CCDC88C: variants seen among roughly 807,000 people sequenced by gnomAD.
The protein encoded by CCDC88C is coiled-coil and HOOK domain protein 88C.
Under a neutral mutation model 198.8 loss-of-function variants are expected in CCDC88C, and 131 were observed. The observed-to-expected ratio is 0.66, with a 90% CI of 0.57 to 0.76. The LOEUF (loss-of-function observed/expected upper bound fraction) is 0.76. Among genes scored for constraint, CCDC88C ranks in the 30% least tolerant of loss-of-function variants. The pLI, the probability that CCDC88C is intolerant of heterozygous loss-of-function variation, is 0.00. For missense variants in CCDC88C, 2,553 were observed against 2,631.6 expected (o/e 0.97, Z 0.65); for synonymous variants, 1,166 against 1,114.7 (o/e 1.05, Z -0.92).
At chr14:91,397,000 C>A (rs887387805) in intron 3 of CCDC88C, among the ~76,000 whole-genome samples, 4 of 151,708 alleles carry the variant, frequency 2.6e-5, no homozygotes, top group African/African-American at 4.8e-5. Context: ...AGAGCAAGAC[C>A]CTGTCACCAA....
At chr14:91,299,396 T>C (rs926641620) in intron 21 of CCDC88C, among the ~76,000 whole-genome samples, 3 of 152,206 alleles carry the variant, frequency 2.0e-5, no homozygotes, top group African/African-American at 4.8e-5. Flanking sequence ...GAAAGGGACA[T>C]TTGTTTGCAG....
rs928182330 is a variant in CCDC88C at position 91,338,370 on chromosome 14, C to A, written c.891+119G>T. 1 of 1,013,762 alleles carries A rather than the reference C, an allele frequency of 9.9e-7. No homozygotes were observed. The highest frequency in any genetic ancestry group is 1.5e-5 in the South Asian group (1 of 68,582). The allele number at this position is 1,013,762 out of a possible 1,614,324, so 62.8% of individuals were successfully genotyped here. A position where few individuals can be genotyped will look rare whatever the true frequency, so the allele number is the denominator to read the frequency against. On this transcript the variant is annotated intron_variant, in intron 9 of 29. Transcript: ENST00000389857. This position sits in a 1 kb window ranked among gnomAD's most constrained non-coding sequence, Gnocchi z 4.8. Reference sequence around the variant, plus strand: ...GTCATCCCCATAGCCGTGCTCAGGACAAGTGGCTCTTGTGTGGCTTAAAAG... The same window carrying A: ...GTCATCCCCATAGCCGTGCTCAGGAAAAGTGGCTCTTGTGTGGCTTAAAAG...
At chr14:91,377,646 G>T (rs927501652) in intron 3 of CCDC88C, among the ~76,000 whole-genome samples, 1 of 152,134 alleles carries the variant, frequency 6.6e-6, no homozygotes, top group Non-Finnish European at 1.5e-5. Flanking sequence ...TGGTGGGGAG[G>T]GTTACAAGAT....
In CCDC88C at chr14:91,336,900, G is replaced by A. The variant is rs528244299; in HGVS notation, c.1050+1105C>T. Among the ~76,000 whole-genome samples the A allele has an allele frequency of 7.2e-5, 11 of 152,362 alleles. No individual in the cohort carries two copies. In the South Asian group the frequency reaches 8.3e-4, roughly 11 times the overall value. On this transcript the variant is annotated intron_variant, in intron 10 of 29. Coordinates refer to ENST00000389857, the MANE Select transcript of CCDC88C (RefSeq NM_001080414.4). The stretch of plus-strand genomic sequence containing the variant: ...TCCCCGGCAAGCCCGACAGCTCCAC[G>A]GCAGGGAGAGGGCAATACGGTGCTC...
At position 91,307,021 on chromosome 14, in the gene CCDC88C, C is replaced by T; in HGVS notation, c.3195+17G>A. 6.3e-7 allele frequency: 1 copy of T among 1,598,584 alleles called. No individual in the cohort carries two copies. The highest frequency in any genetic ancestry group is 8.5e-7 in the Non-Finnish European group (1 of 1,171,226). On this transcript the variant is annotated intron_variant, in intron 18 of 29. Transcript: ENST00000389857. ...CTCTCTGTCCCCGATGGACCATGCC[C>T]AGGCCAGCCCACTCACATTCCGCTC...
intron 3 of CCDC88C, among the ~76,000 whole-genome samples, chr14:91,389,725 TA>T (rs537888866): frequency 4.0e-3 from 399 of 99,214 alleles, no homozygotes; most frequent in Admixed American, 9.0e-3. Context: ...ATTTAAAAAA[TA>T]AAAAAAAAAA....
At chr14:91,390,001 G>A (rs796377158) in intron 3 of CCDC88C, among the ~76,000 whole-genome samples, 22 of 152,082 alleles carry the variant, frequency 1.4e-4, no homozygotes, top group African/African-American at 5.3e-4. Context: ...GAACCCGGGA[G>A]GCGGAGCTTG....
At chr14:91,403,135 C>T (rs1886304614) in intron 3 of CCDC88C, among the ~76,000 whole-genome samples, 1 of 152,186 alleles carries the variant, frequency 6.6e-6, no homozygotes, top group Non-Finnish European at 1.5e-5. Flanking sequence ...AGAGAGACGG[C>T]GGGACCCCAG....
rs1596008488 is a variant in CCDC88C at position 91,273,175 on chromosome 14, T to G, written c.5537A>C (p.Gln1846Pro). ...ATGGGAGCTGGGGGGTGCGGGGCTT[T>G]GCAGGGTGTGGCTGCCTGTCTCTCT... ...GGRETGSHTL[Q>P]SPAPPSSHSL... The change falls in exon 30 of 30, where the codon CAA becomes CCA. Residue 1846 changes from glutamine (Q) to proline (P), a missense_variant. Coordinates refer to ENST00000389857, the MANE Select transcript of CCDC88C (RefSeq NM_001080414.4). The surrounding 1 kb of genome is among the most constrained non-coding windows in gnomAD (Gnocchi z 5.6). The G allele has an allele frequency of 6.3e-7, 1 of 1,579,570 alleles. No individual in the cohort carries two copies. Among genetic ancestry groups the G allele is most frequent in the South Asian group, 1.2e-5 (1 of 86,470 alleles).
Position 91,396,410 on chromosome 14 carries a change from A to G in CCDC88C, c.270+12249T>C, listed in dbSNP as rs137984653. ...CTGGTTCCTCCTGCCACTTCCTCCC[A>G]CTTTGGCGTTTAGGGTATGTCCATA... On this transcript the variant is annotated intron_variant, in intron 3 of 29. Coordinates refer to ENST00000389857, the MANE Select transcript of CCDC88C (RefSeq NM_001080414.4). Among the ~76,000 whole-genome samples the G allele has an allele frequency of 2.0e-5, 3 of 152,080 alleles. No individual in the cohort carries two copies. In the East Asian group the frequency reaches 5.8e-4, roughly 29 times the overall value.
intron 3 of CCDC88C, among the ~76,000 whole-genome samples, chr14:91,367,554 G>A (rs1054812975): frequency 2.6e-5 from 4 of 152,154 alleles, no homozygotes; most frequent in Non-Finnish European, 4.4e-5. Flanking sequence ...GACACGTACT[G>A]TGTACACCTT....
chr14:91,400,266 C>A (rs1239241696), intron 3 of CCDC88C, among the ~76,000 whole-genome samples: 1 of 152,260 alleles, frequency 6.6e-6, no homozygotes, highest in Non-Finnish European at 1.5e-5. Flanking sequence ...AGAGCTTCCA[C>A]ATCCTGCATT....
chr14:91,379,054 G>T (rs192840396), intron 3 of CCDC88C: 1 of 152,224 alleles, frequency 6.6e-6, no homozygotes, highest in Non-Finnish European at 1.5e-5. Flanking sequence ...TTTACTGCCG[G>T]AGAGTTTTTC....
At chr14:91,351,390 G>A (rs1321807889) in intron 4 of CCDC88C, among the ~76,000 whole-genome samples, 1 of 152,184 alleles carries the variant, frequency 6.6e-6, no homozygotes, top group African/African-American at 2.4e-5. Context: ...GCACGGCTCT[G>A]AGGGCCCTCC....
chr14:91,378,642 C>G (rs1355000759), intron 3 of CCDC88C: 2 of 94,640 alleles, frequency 2.1e-5, no homozygotes, highest in Admixed American at 1.0e-4. Flanking sequence ...TTCCCATGCT[C>G]TTTTTTATGT....
chr14:91,293,537 G>GCCCATCTTCCTGCCCCCTCGCCTGCCACA (rs1567055787), intron 23 of CCDC88C, among the ~76,000 whole-genome samples: 2 of 7,222 alleles, frequency 2.8e-4, no homozygotes, highest in African/African-American at 1.7e-3. Context: ...CACCTGCCAC[G>GCCCATCTTCCTGCCCCCTCGCCTGCCACA]GCCCACCTTC....
Position 91,371,931 on chromosome 14 carries a change from C to T in CCDC88C, c.271-12220G>A, listed in dbSNP as rs988927049. 1.3e-5 allele frequency among the ~76,000 whole-genome samples: 2 copies of T among 152,206 alleles called. No individual in the cohort carries two copies. The highest frequency in any genetic ancestry group is 4.8e-5 in the African/African-American group (2 of 41,452). Reference sequence around the variant, plus strand: ...TAGATGGCAGCCCAGACCACCCCAGCCTGCTGGGACCTGTGAGGGTGGGAA... The same window carrying T: ...TAGATGGCAGCCCAGACCACCCCAGTCTGCTGGGACCTGTGAGGGTGGGAA... On this transcript the variant is annotated intron_variant, in intron 3 of 29. Transcript: ENST00000389857. The surrounding 1 kb of genome is among the most constrained non-coding windows in gnomAD (Gnocchi z 4.2).
At chr14:91,299,906 G>C in intron 21 of CCDC88C, 21 bp downstream of exon 21, 2 of 1,571,914 alleles carry the variant, frequency 1.3e-6, no homozygotes, top group Non-Finnish European at 1.7e-6. Context: ...GCTATGTGCA[G>C]GGCCGGGCGC....
intron 3 of CCDC88C, among the ~76,000 whole-genome samples, chr14:91,404,769 C>G (rs894544462): frequency 1.3e-5 from 2 of 152,066 alleles, no homozygotes; most frequent in African/African-American, 2.4e-5. Flanking sequence ...CGAGACCATC[C>G]TGGCTAACAC....
Sources: allele counts gnomAD v4.1 joint callset (sites outside exome capture counted in the v4.1 genomes callset), GRCh38; gene constraint gnomAD v4.1.1; non-coding constraint Gnocchi (gnomAD v3.1); transcripts MANE v1.5; gene names NCBI Gene and HGNC (gene_info 2026-07-23, HGNC 2026-07-21).